PROS1: variants seen among roughly 807,000 people sequenced by gnomAD.
The protein encoded by PROS1 is protein S, also known as vitamin K-dependent protein S.
In PROS1, 29 loss-of-function variants were observed where a neutral mutation model predicts 75.9. The observed-to-expected ratio is 0.38, with a 90% confidence interval of 0.28 to 0.52. The LOEUF is 0.52. Ranked by LOEUF, PROS1 falls within the 20% of genes least tolerant of loss-of-function variation. The pLI, the probability that PROS1 is intolerant of heterozygous loss-of-function variation, is 0.83. For synonymous variants in PROS1, 245 were observed against 280.6 expected, an observed-to-expected ratio of 0.87 and a Z score of 1.27; for missense variants, 680 against 810.3, an observed-to-expected ratio of 0.84 and a Z score of 1.95.
chr3:93,930,931 G>A (rs1381452504), intron 1 of PROS1, among the ~76,000 whole-genome samples: 2 of 151,990 alleles, frequency 1.3e-5, no homozygotes, highest in Non-Finnish European at 2.9e-5. Context: ...ATTGTTGAGA[G>A]GAATATTAAA....
chr3:93,952,100 G>T (rs1488769473), intron 1 of PROS1, among the ~76,000 whole-genome samples: 4 of 152,046 alleles, frequency 2.6e-5, no homozygotes, highest in Non-Finnish European at 5.9e-5. Flanking sequence ...TAGAGACCTA[G>T]AAAGAGACTT....
intron 12 of PROS1, among the ~76,000 whole-genome samples, chr3:93,881,581 A>T (rs1363102991): frequency 3.0e-4 from 38 of 125,834 alleles, no homozygotes; most frequent in Non-Finnish European, 5.5e-4. Flanking sequence ...TTTTTGTGAG[A>T]CATGCTCACA....
At chr3:93,905,330 G>A (rs1171493713) in intron 6 of PROS1, among the ~76,000 whole-genome samples, 1 of 152,124 alleles carries the variant, frequency 6.6e-6, no homozygotes, top group South Asian at 2.1e-4. Context: ...TAAAATGCAG[G>A]CCAGGCAGAG....
At chr3:93,933,514 C>T (rs1217567359) in intron 1 of PROS1, among the ~76,000 whole-genome samples, 3 of 151,222 alleles carry the variant, frequency 2.0e-5, no homozygotes, top group Admixed American at 6.6e-5. Context: ...GGTTGAGGTA[C>T]AGGGAGCCCC....
chr3:93,901,057 C>G, intron 6 of PROS1, 128 bp from the exon 7 acceptor site: 1 of 942,514 alleles, frequency 1.1e-6, no homozygotes, highest in Non-Finnish European at 1.6e-6. Flanking sequence ...GGCCTTTGGA[C>G]CAAAAAACAT....
intron 1 of PROS1, among the ~76,000 whole-genome samples, chr3:93,943,842 C>T (rs1465723460): frequency 1.3e-5 from 2 of 152,144 alleles, no homozygotes; most frequent in East Asian, 3.9e-4. Flanking sequence ...TCCCCTGGCT[C>T]AGAAGCTCCC....
chr3:93,896,873 T>A (rs1011350424), intron 8 of PROS1, among the ~76,000 whole-genome samples, 182 bp from the exon 9 acceptor site: 1 of 152,160 alleles, frequency 6.6e-6, no homozygotes, highest in Non-Finnish European at 1.5e-5. Context: ...GTATAGTCTA[T>A]CTATCAGTAT....
intron 4 of PROS1, 64 bp from the exon 5 acceptor site, chr3:93,906,207 T>C: frequency 1.3e-6 from 2 of 1,566,040 alleles, no homozygotes; most frequent in Non-Finnish European, 1.7e-6. Flanking sequence ...AAATTGTGTG[T>C]ACTATAATAA....
Position 93,913,667 on chromosome 3 carries a change from C to T in PROS1, c.260-2962G>A, listed in dbSNP as rs866493170. On this transcript the variant is annotated intron_variant, in intron 3 of 14. Coordinates refer to ENST00000394236, the MANE Select transcript of PROS1 (RefSeq NM_000313.4). ...ATGCTGAACTATAAGTCAATTAAACCTCTTTTCTTTATAAATTATCCAGTC... is the reference window on the plus strand; with the variant it reads ...ATGCTGAACTATAAGTCAATTAAACTTCTTTTCTTTATAAATTATCCAGTC... Among the ~76,000 whole-genome samples the T allele has an allele frequency of 3.9e-5, 6 of 152,176 alleles. No individual in the cohort carries two copies. The South Asian group carries it at 1.0e-3, about 26-fold the overall frequency.
chr3:93,951,481 T>C (rs1709494636), intron 1 of PROS1, among the ~76,000 whole-genome samples: 1 of 152,184 alleles, frequency 6.6e-6, no homozygotes, highest in Non-Finnish European at 1.5e-5. Context: ...CAAAATTTTA[T>C]ATCCAGCCAA....
intron 1 of PROS1, among the ~76,000 whole-genome samples, chr3:93,957,761 A>G (rs1709627668): frequency 6.6e-6 from 1 of 152,214 alleles, no homozygotes; most frequent in Admixed American, 6.5e-5. Context: ...CACTTATTGT[A>G]TTAGGCCATT....
At chr3:93,885,034 T>A in intron 11 of PROS1, 138 bp from the exon 12 acceptor site, 1 of 825,384 alleles carries the variant, frequency 1.2e-6, no homozygotes, top group Non-Finnish European at 1.9e-6. Flanking sequence ...TATTTAAGTT[T>A]TTCTTTTCAA....
chr3:93,884,476 T>C (rs2107136873), intron 12 of PROS1, among the ~76,000 whole-genome samples: 1 of 152,288 alleles, frequency 6.6e-6, no homozygotes, highest in South Asian at 2.1e-4. Context: ...GTCAATTGAA[T>C]TTACCCATAA....
chr3:93,906,543 G>T (rs371368668), intron 4 of PROS1, among the ~76,000 whole-genome samples: 1 of 152,170 alleles, frequency 6.6e-6, no homozygotes, highest in African/African-American at 2.4e-5. Context: ...GCTTCTCCCC[G>T]CAGCAGGCAT....
chr3:93,904,598 T>C lies in PROS1; in HGVS notation c.601+1186A>G, dbSNP rs140453082. 6.0e-3 allele frequency among the ~76,000 whole-genome samples: 906 copies of C among 152,210 alleles called. 13 individuals carry two copies. Among genetic ancestry groups the C allele is most frequent in the African/African-American group, 0.021 (872 of 41,546 alleles). ...TAAAGAGTCGAACAAGAAATTCACA[T>C]TTTAACTTACTTTTTTTTTTAACAT... On this transcript the variant is annotated intron_variant, in intron 6 of 14. Transcript: ENST00000394236.
intron 6 of PROS1, among the ~76,000 whole-genome samples, chr3:93,902,811 C>T (rs1039292764): frequency 2.0e-5 from 3 of 151,872 alleles, no homozygotes; most frequent in African/African-American, 2.4e-5. Flanking sequence ...CATCTTTAGA[C>T]AGTTACTGGC....
At chr3:93,953,051 G>A (rs1709532649) in intron 1 of PROS1, among the ~76,000 whole-genome samples, 2 of 152,108 alleles carry the variant, frequency 1.3e-5, no homozygotes, top group Non-Finnish European at 2.9e-5. Flanking sequence ...TCCCTTAATA[G>A]ATCAATAACA....
At chr3:93,876,588 CAAAAAAAA>C (rs34147087) in intron 14 of PROS1, among the ~76,000 whole-genome samples, 1 of 34,994 alleles carries the variant, frequency 2.9e-5, no homozygotes, top group Non-Finnish European at 4.9e-5. Flanking sequence ...GACTCCATCT[CAAAAAAAA>C]AAAAAAAAAA....
At chr3:93,950,371 G>A (rs993869137) in intron 1 of PROS1, among the ~76,000 whole-genome samples, 3 of 152,166 alleles carry the variant, frequency 2.0e-5, no homozygotes, top group Non-Finnish European at 4.4e-5. Flanking sequence ...TCTGAGAACC[G>A]ACAGACTGCC....
Sources: allele counts gnomAD v4.1 joint callset (sites outside exome capture counted in the v4.1 genomes callset), GRCh38; gene constraint gnomAD v4.1.1; transcripts MANE v1.5; gene names NCBI Gene and HGNC (gene_info 2026-07-23, HGNC 2026-07-21).